SUMF1: variants seen among roughly 807,000 people sequenced by gnomAD.
SUMF1 encodes the protein sulfatase modifying factor 1.
Under a neutral mutation model 47.6 loss-of-function variants are expected in SUMF1, and 48 were observed. The ratio of observed to expected loss-of-function variants is 1.01; its 90% CI spans 0.80 to 1.28. The LOEUF is 1.28. SUMF1 is among the 50% of genes most tolerant of loss of function. SUMF1 has a pLI of 0.00. For missense variants in SUMF1, 571 were observed against 485.4 expected (o/e 1.18, Z -1.66); for synonymous variants, 230 against 192.1 (o/e 1.20, Z -1.63).
At chr3:4,171,232 G>C (rs1009499770) in intron 8 of SUMF1, among the ~76,000 whole-genome samples, 1 of 152,158 alleles carries the variant, frequency 6.6e-6, no homozygotes, top group African/African-American at 2.4e-5. Flanking sequence ...AAGGAGTATT[G>C]CAGATGCTCT....
intron 8 of SUMF1, among the ~76,000 whole-genome samples, chr3:4,079,938 T>G (rs1692523665): frequency 2.0e-5 from 3 of 151,830 alleles, no homozygotes; most frequent in Admixed American, 2.0e-4. Context: ...ATAATCTTCT[T>G]GCCCTGGCTC....
rs548443858 is a variant in SUMF1 at position 4,310,512 on chromosome 3, T to A, written c.1014+65818A>T. ...GATTATATCCATCACGGGGAAAAAA[T>A]TTATTTAAACAGGAAATTTTCCCAG... On this transcript the variant is annotated intron_variant and NMD_transcript_variant, in intron 8 of 12. Transcript: ENST00000448413. 1.1e-4 allele frequency among the ~76,000 whole-genome samples: 17 copies of A among 152,198 alleles called. 1 individual carries two copies. Among genetic ancestry groups the A allele is most frequent in the Non-Finnish European group, 2.4e-4 (16 of 67,986 alleles).
Position 4,096,082 on chromosome 3 carries a change from C to A in SUMF1, c.1015-27337G>T, listed in dbSNP as rs140304284. Among the ~76,000 whole-genome samples the A allele has an allele frequency of 1.9e-3, 285 of 152,232 alleles. 5 individuals are homozygous for A. Among genetic ancestry groups the A allele is most frequent in the African/African-American group, 6.8e-3 (283 of 41,516 alleles). ...CCACCGGCTTAGAATTCTATATGAA[C>A]AAGATATCCTAAATTTGTAAAGACT... On this transcript the variant is annotated intron_variant and NMD_transcript_variant, in intron 8 of 12. Transcript: ENST00000448413.
chr3:4,107,077 C>T (rs7623984), intron 8 of SUMF1, among the ~76,000 whole-genome samples: 22,723 of 151,922 alleles, frequency 0.15, 3,655 homozygotes, highest in African/African-American at 0.39. Context: ...CCATCAGCTA[C>T]TGAGATCAAT....
rs139013823 is a variant in SUMF1, at chr3:4,092,712, G to A, written c.1015-23967C>T. 1.1e-4 allele frequency among the ~76,000 whole-genome samples: 17 copies of A among 152,234 alleles called. No individual in the cohort carries two copies. The East Asian group carries it at 2.3e-3, about 21-fold the overall frequency. On this transcript the variant is annotated intron_variant and NMD_transcript_variant, in intron 8 of 12. Coordinates refer to the SUMF1 transcript ENST00000448413. ...AAGTGTCCAGAACTGTAGTGTGTGT[G>A]TATATCGGGGGTGGAGTAGTGTGTC...
At chr3:4,222,459 G>A (rs1435819925) in intron 8 of SUMF1, among the ~76,000 whole-genome samples, 1 of 151,948 alleles carries the variant, frequency 6.6e-6, no homozygotes, top group Non-Finnish European at 1.5e-5. Context: ...ATTTTATCAT[G>A]GTCAATAAAT....
intron 8 of SUMF1, among the ~76,000 whole-genome samples, chr3:4,148,001 G>T (rs971042): frequency 0.69 from 105,558 of 151,902 alleles, 36,887 homozygotes; most frequent in African/African-American, 0.75. Context: ...GAAATTGAGG[G>T]TGCATGAAAT....
chr3:4,132,371 G>A (rs901480427), intron 8 of SUMF1, among the ~76,000 whole-genome samples: 2 of 152,084 alleles, frequency 1.3e-5, no homozygotes. Context: ...TAGAACAGTG[G>A]AATGGCCTTT....
intron 8 of SUMF1, among the ~76,000 whole-genome samples, chr3:4,312,351 A>G (rs781651621): frequency 3.9e-5 from 6 of 152,216 alleles, no homozygotes; most frequent in Admixed American, 6.5e-5. Flanking sequence ...TCCAAAGATA[A>G]GAGGGAAACA....
intron 6 of SUMF1, among the ~76,000 whole-genome samples, chr3:4,411,190 G>C (rs1701529614): frequency 6.6e-6 from 1 of 152,020 alleles, no homozygotes; most frequent in Non-Finnish European, 1.5e-5. Flanking sequence ...AACCTAAAGA[G>C]AGTTCATATT....
chr3:4,446,531 G>C (rs1332266698), intron 3 of SUMF1, among the ~76,000 whole-genome samples: 1 of 152,154 alleles, frequency 6.6e-6, no homozygotes, highest in Non-Finnish European at 1.5e-5. Context: ...TCTTATGATA[G>C]CCCCCAATGG....
intron 9 of SUMF1, among the ~76,000 whole-genome samples, chr3:4,064,669 A>G (rs1022144627): frequency 6.6e-6 from 1 of 152,142 alleles, no homozygotes; most frequent in African/African-American, 2.4e-5. Context: ...CTTTTCAGTA[A>G]CAGCCTGATA....
intron 8 of SUMF1, among the ~76,000 whole-genome samples, chr3:4,220,904 G>A (rs1389123963): frequency 2.0e-5 from 3 of 152,084 alleles, no homozygotes; most frequent in Admixed American, 6.6e-5. Context: ...TGGTTCATTT[G>A]AGTTCAGAGT....
chr3:4,164,011 G>A (rs555912626), intron 8 of SUMF1, among the ~76,000 whole-genome samples: 1 of 152,144 alleles, frequency 6.6e-6, no homozygotes, highest in Admixed American at 6.5e-5. Flanking sequence ...TGAATAGCTT[G>A]ATGGTACTGA....
chr3:4,408,648 C>T (rs749778391), intron 7 of SUMF1, among the ~76,000 whole-genome samples: 4 of 152,056 alleles, frequency 2.6e-5, no homozygotes, highest in Non-Finnish European at 5.9e-5. Flanking sequence ...TGTAACAGAG[C>T]AAGACCCCAT....
chr3:4,339,081 C>T (rs1699215328), intron 8 of SUMF1, among the ~76,000 whole-genome samples: 1 of 152,210 alleles, frequency 6.6e-6, no homozygotes, highest in Admixed American at 6.5e-5. Flanking sequence ...ACTACTTCCT[C>T]AGCAATATCC....
At chr3:4,321,626 A>T (rs1335711904) in intron 8 of SUMF1, among the ~76,000 whole-genome samples, 1 of 152,156 alleles carries the variant, frequency 6.6e-6, no homozygotes, top group Non-Finnish European at 1.5e-5. Flanking sequence ...ATAAAACAAA[A>T]TATAAAAATC....
chr3:4,048,447 G>A (rs928435675), intron 9 of SUMF1, among the ~76,000 whole-genome samples: 1 of 152,130 alleles, frequency 6.6e-6, no homozygotes, highest in East Asian at 1.9e-4. Context: ...GGCAGAACCA[G>A]AATTTAAACC....
At chr3:4,295,322 G>A (rs1380649896) in intron 8 of SUMF1, among the ~76,000 whole-genome samples, 4 of 151,928 alleles carry the variant, frequency 2.6e-5, no homozygotes, top group African/African-American at 7.3e-5. Context: ...GGTATCCAGC[G>A]AAATTATCCT....
Sources: gnomAD v4.1 joint callset for allele counts (sites outside exome capture counted in the v4.1 genomes callset) on GRCh38, gnomAD v4.1.1 for gene constraint, MANE v1.5 for transcripts, NCBI Gene and HGNC (gene_info 2026-07-23, HGNC 2026-07-21) for gene names.